Variants in DGCR2 observed in about 807,000 individuals in gnomAD.
DGCR2 encodes DiGeorge syndrome critical region gene 2, also known as integral membrane protein DGCR2/IDD.
A neutral mutation model predicts 51.6 loss-of-function variants in DGCR2; 24 were observed. The ratio of observed to expected loss-of-function variants is 0.47; its 90% CI spans 0.34 to 0.65. The LOEUF (loss-of-function observed/expected upper bound fraction) is 0.65. DGCR2 is among the 30% of genes least tolerant of loss of function. DGCR2 has a pLI of 0.01. For missense variants in DGCR2, 765 were observed against 772.1 expected, an observed-to-expected ratio of 0.99 and a Z score of 0.11; for synonymous variants, 340 against 315.4, an observed-to-expected ratio of 1.08 and a Z score of -0.82.
chr22:19,057,097 C>T lies in DGCR2; in HGVS notation c.691G>A (p.Val231Met), dbSNP rs754576418. 4 of 1,606,756 alleles carry T rather than the reference C, an allele frequency of 2.5e-6. No homozygotes were observed. The African/African-American group carries it at 4.0e-5, about 16-fold the overall frequency. ...AAGCACTGAAGCTGGGCACAGAACA[C>T]GTTGTCGTTCTCAGACATGGCCGAG... ...FASAMSENDN[V>M]FCAQLQCFHF... is the part of the protein sequence containing the mutation. The change falls in exon 6 of 10, where the codon GTG (valine) becomes ATG (methionine). Residue 231 changes from valine to methionine, a missense_variant. Around this residue, in one of 3 missense-constraint regions of DGCR2, gnomAD observed 190 missense variants for 265.2 expected, o/e 0.72. Transcript: ENST00000263196. The surrounding 1 kb of genome is among the most constrained non-coding windows in gnomAD (Gnocchi z 5.1).
Position 19,057,810 on chromosome 22 carries a change from A to C in DGCR2, c.626-648T>G, listed in dbSNP as rs1393329290. Among the ~76,000 whole-genome samples, 1 of 152,048 alleles carries C rather than the reference A, an allele frequency of 6.6e-6. No homozygotes were observed. Among genetic ancestry groups the C allele is most frequent in the Non-Finnish European group, 1.5e-5 (1 of 68,000 alleles). ...GAAACCGTGTACCCCTGCCGCAGAG[A>C]GCGTGAGGGTTGGGGACTGCTAACC... is the stretch of plus-strand genomic sequence containing the variant. On this transcript the variant is annotated intron_variant, in intron 5 of 9. Transcript: ENST00000263196. The surrounding 1 kb of genome is among the most constrained non-coding windows in gnomAD (Gnocchi z 5.1).
At position 19,041,918 on chromosome 22, in the gene DGCR2, GGC is replaced by G. The variant is rs1450943379; in HGVS notation, c.1046_1047del (p.Arg349ProfsTer51). On this transcript the variant is annotated frameshift_variant, in exon 8 of 10. Coordinates refer to ENST00000263196, the MANE Select transcript of DGCR2 (RefSeq NM_005137.3). LOFTEE classifies it high-confidence loss of function. ...AAGGAGGAGATGCAGCTGACGACCA[GGC>G]GCATCCCGCTGGCCATGGAGTCAAA... ...SLFDSMASGM[R>X]LVVSCISSFL... 1 of 1,613,516 alleles carries G rather than the reference GGC, an allele frequency of 6.2e-7. No homozygotes were observed. The highest frequency in any genetic ancestry group is 8.5e-7 in the Non-Finnish European group (1 of 1,179,942).
intron 5 of DGCR2, among the ~76,000 whole-genome samples, chr22:19,062,898 C>A (rs1424692145): frequency 6.6e-6 from 1 of 151,968 alleles, no homozygotes; most frequent in Non-Finnish European, 1.5e-5. Context: ...CAGGGGCACA[C>A]TCTGCATGCT....
intron 4 of DGCR2, among the ~76,000 whole-genome samples, 179 bp from the exon 5 acceptor site, chr22:19,063,457 G>C (rs1053475322): frequency 5.3e-5 from 8 of 152,008 alleles, no homozygotes; most frequent in Non-Finnish European, 1.0e-4. Context: ...TCCTGCCTCA[G>C]CCTCCCGAGT....
intron 2 of DGCR2, among the ~76,000 whole-genome samples, chr22:19,075,583 C>A (rs1181702582): frequency 1.3e-5 from 2 of 152,230 alleles, no homozygotes; most frequent in African/African-American, 2.4e-5. Flanking sequence ...AACATTACCT[C>A]CCAATTTTTC....
At chr22:19,048,737 G>A (rs548363250) in intron 6 of DGCR2, 94 bp from the exon 7 acceptor site, 39 of 1,241,686 alleles carry the variant, frequency 3.1e-5, no homozygotes, top group South Asian at 1.0e-4. Context: ...TAGCCTCCCC[G>A]TGTGGGCCTG....
At chr22:19,096,104 A>C (rs1235468695) in intron 1 of DGCR2, among the ~76,000 whole-genome samples, 4 of 152,236 alleles carry the variant, frequency 2.6e-5, no homozygotes, top group Non-Finnish European at 5.9e-5. Flanking sequence ...CCATTAGACC[A>C]AGAACCTGGA....
intron 5 of DGCR2, among the ~76,000 whole-genome samples, chr22:19,062,774 T>TTCTCTCTCTC (rs1569052709): frequency 2.6e-5 from 3 of 113,870 alleles, no homozygotes; most frequent in Non-Finnish European, 5.7e-5. Context: ...CACACATGCA[T>TTCTCTCTCTC]GCTCACTCTC....
At position 19,064,953 on chromosome 22, in the gene DGCR2, A is replaced by T; in HGVS notation, c.443T>A (p.Leu148Gln). 4 of 1,614,024 alleles carry T rather than the reference A, an allele frequency of 2.5e-6. No homozygotes were observed. Among genetic ancestry groups the T allele is most frequent in the Non-Finnish European group, 3.4e-6 (4 of 1,180,044 alleles). Residue 148 changes from leucine to glutamine, a missense_variant, in exon 4 of 10, where the codon CTG becomes CAG. This residue lies in a region of DGCR2 where 370 missense variants were observed against 325.5 expected (regional missense o/e 1.14). Coordinates refer to ENST00000263196, the MANE Select transcript of DGCR2 (RefSeq NM_005137.3). ...YWDAAQTCQR[L>Q]NGSLATFSTD... is the part of the protein sequence containing the mutation. ...GGAGAAGGTGGCGAGAGAGCCATTC[A>T]GGCGCTGGCAGGTCTGCGCGGCATC...
chr22:19,041,067 C>A lies in DGCR2; in HGVS notation c.1387G>T (p.Asp463Tyr), dbSNP rs139943214. 161 of 1,601,842 alleles carry A rather than the reference C, an allele frequency of 1.0e-4. No individual in the cohort carries two copies. In the Middle Eastern group the frequency reaches 1.3e-3, roughly 13 times the overall value. ...CTGGGGAGTCAGGCACCTGCAGGGT[C>A]ATAGAACACACTGTCCGGGTGGATG... ...ASIHPDSVFY[D>Y]PADDDAFEPV... Residue 463 changes from aspartate to tyrosine, a missense_variant, in exon 9 of 10, where the codon GAC becomes TAC. By Grantham distance (160) the Asp-to-Tyr change is radical (BLOSUM62 -3). Coordinates refer to ENST00000263196, the MANE Select transcript of DGCR2 (RefSeq NM_005137.3).
intron 1 of DGCR2, among the ~76,000 whole-genome samples, chr22:19,121,272 A>G (rs1224065623): frequency 6.6e-6 from 1 of 152,170 alleles, no homozygotes; most frequent in Non-Finnish European, 1.5e-5. Context: ...ATTTTATTTG[A>G]CCTAAAAGTT....
intron 2 of DGCR2, among the ~76,000 whole-genome samples, chr22:19,087,077 A>G (rs987702091): frequency 1.3e-5 from 2 of 152,250 alleles, no homozygotes; most frequent in Non-Finnish European, 2.9e-5. Flanking sequence ...GAGGCTGGAT[A>G]TAAGGTCTCA....
chr22:19,046,585 T>C (rs1224474490), intron 7 of DGCR2: 1 of 192,360 alleles, frequency 5.2e-6, no homozygotes, highest in African/African-American at 2.3e-5. Flanking sequence ...TCTTAGCTTG[T>C]TGGAGGGGAC....
intron 2 of DGCR2, among the ~76,000 whole-genome samples, chr22:19,071,094 G>A (rs543263091): frequency 2.4e-4 from 37 of 152,364 alleles, no homozygotes; most frequent in African/African-American, 7.9e-4. Flanking sequence ...GGGCCATGGG[G>A]CCCGAGCAGC....
At chr22:19,113,569 G>A (rs1053284206) in intron 1 of DGCR2, among the ~76,000 whole-genome samples, 26 of 152,052 alleles carry the variant, frequency 1.7e-4, no homozygotes, top group African/African-American at 6.3e-4. Context: ...CGCTCTGTGG[G>A]AAAATGCCCC....
chr22:19,053,221 C>T (rs950950515), intron 6 of DGCR2, among the ~76,000 whole-genome samples: 2 of 152,208 alleles, frequency 1.3e-5, no homozygotes, highest in South Asian at 2.1e-4. Flanking sequence ...GTGAAGGCTC[C>T]ACCCTGGATC....
At chr22:19,117,788 A>G (rs1442989662) in intron 1 of DGCR2, among the ~76,000 whole-genome samples, 1 of 152,224 alleles carries the variant, frequency 6.6e-6, no homozygotes. Context: ...CAAGAAAAAA[A>G]AGGAAAATTC....
chr22:19,068,718 T>C (rs1414989618), intron 2 of DGCR2, among the ~76,000 whole-genome samples: 1 of 152,256 alleles, frequency 6.6e-6, no homozygotes, highest in Non-Finnish European at 1.5e-5. Flanking sequence ...CCCTGCCTGC[T>C]GGTCCCCCAT....
intron 1 of DGCR2, among the ~76,000 whole-genome samples, chr22:19,110,969 T>A (rs964190568): frequency 4.6e-5 from 7 of 152,248 alleles, no homozygotes; most frequent in South Asian, 4.1e-4. Flanking sequence ...GCATTTTAGA[T>A]CTATTTTTTC....
Sources: gnomAD v4.1 joint callset for allele counts (sites outside exome capture counted in the v4.1 genomes callset) on GRCh38, gnomAD v4.1.1 for gene constraint, gnomAD v4.1.1 regional missense constraint, Gnocchi (gnomAD v3.1) non-coding constraint, MANE v1.5 for transcripts, NCBI Gene and HGNC (gene_info 2026-07-23, HGNC 2026-07-21) for gene names.